The following SLC6A16 variants were observed in gnomAD, a reference collection of about 807,000 sequenced individuals.
The protein encoded by SLC6A16 is solute carrier family 6 member 16.
SLC6A16 carries 54 observed loss-of-function variants against 65.4 expected under a neutral mutation model. The observed-to-expected ratio is 0.83, with a 90% CI of 0.66 to 1.04. SLC6A16 has a LOEUF of 1.04. SLC6A16 is among the 50% of genes least tolerant of loss of function. The pLI, the probability that SLC6A16 is intolerant of heterozygous loss-of-function variation, is 0.00. For missense variants in SLC6A16, 816 were observed against 914.0 expected (o/e 0.89, Z 1.38); for synonymous variants, 330 against 346.5 (o/e 0.95, Z 0.53).
In SLC6A16 at chr19:49,311,038, G is replaced by GA. The variant is rs1970509891; in HGVS notation, c.309dup (p.Pro104SerfsTer8). The GA allele has an allele frequency of 6.2e-7, 1 of 1,614,074 alleles. No homozygotes were observed. Among genetic ancestry groups the GA allele is most frequent in the South Asian group, 1.1e-5 (1 of 91,086 alleles). ...TACTCAGTTTTGCTGGACCAGAACGGACGGGCAAGGAGGACCTCACTCTCT... is the reference window on the plus strand; with the variant it reads ...TACTCAGTTTTGCTGGACCAGAACGGAACGGGCAAGGAGGACCTCACTCTCT... On this transcript the variant is annotated frameshift_variant, in exon 2 of 12. Transcript: ENST00000335875. LOFTEE classifies it high-confidence loss of function.
chr19:49,306,359 C>A (rs531085385), intron 7 of SLC6A16, among the ~76,000 whole-genome samples: 1 of 151,120 alleles, frequency 6.6e-6, no homozygotes, highest in South Asian at 2.1e-4. Context: ...ATAAATATTG[C>A]AAACATGTTG....
chr19:49,302,853 T>C (rs1377231798), intron 7 of SLC6A16, among the ~76,000 whole-genome samples: 1 of 152,036 alleles, frequency 6.6e-6, no homozygotes, highest in African/African-American at 2.4e-5. Context: ...AAAAATACAA[T>C]AGATGGCTTC....
chr19:49,307,572 T>C (rs1228239856), intron 7 of SLC6A16, among the ~76,000 whole-genome samples: 1 of 151,750 alleles, frequency 6.6e-6, no homozygotes, highest in Non-Finnish European at 1.5e-5. Context: ...GGCTCACGCC[T>C]GTAATCCCAG....
At chr19:49,308,733 A>G in intron 7 of SLC6A16, 143 bp downstream of exon 7, 3 of 855,962 alleles carry the variant, frequency 3.5e-6, no homozygotes, top group Non-Finnish European at 5.5e-6. Context: ...CTCCATTTTT[A>G]GCTATGGGGA....
chr19:49,310,151 C>T lies in SLC6A16; in HGVS notation c.589G>A (p.Gly197Ser), dbSNP rs377673703. The part of the protein sequence containing the change: ...YSSFMVCFIL[G>S]LYFNVVNSWI... Reference sequence around the variant, plus strand: ...GAATTGACCACATTGAAGTACAGGCCGAGGATGAAGCACACCTGGGGGCCA... The same window carrying T: ...GAATTGACCACATTGAAGTACAGGCTGAGGATGAAGCACACCTGGGGGCCA... The change falls in exon 4 of 12, where the codon GGC (glycine) becomes AGC (serine). Residue 197 changes from glycine to serine, a missense_variant. Coordinates refer to ENST00000335875, the MANE Select transcript of SLC6A16 (RefSeq NM_014037.3). 4.6e-5 allele frequency: 75 copies of T among 1,613,908 alleles called. No individual in the cohort carries two copies. In the African/African-American group the frequency reaches 7.9e-4, roughly 17 times the overall value.
chr19:49,291,335 C>G (rs769970902), intron 10 of SLC6A16, among the ~76,000 whole-genome samples: 1 of 151,980 alleles, frequency 6.6e-6, no homozygotes, highest in Non-Finnish European at 1.5e-5. Flanking sequence ...CTTAACTAAC[C>G]ATCTATGCCC....
At chr19:49,336,981 C>T in the SLC6A16 span, 2 of 1,614,098 alleles carry the variant, frequency 1.2e-6, no homozygotes, top group Non-Finnish European at 1.7e-6. Context: ...ATGGGCATCG[C>T]CCTCCTGGGT....
intron 1 of SLC6A16, among the ~76,000 whole-genome samples, chr19:49,324,537 C>T (rs779450500): frequency 1.2e-4 from 19 of 152,250 alleles, no homozygotes; most frequent in Admixed American, 1.1e-3. Flanking sequence ...CACCGTCATC[C>T]CAAGCAACTC....
chr19:49,294,783 C>T (rs957174734), intron 7 of SLC6A16, among the ~76,000 whole-genome samples: 9 of 152,116 alleles, frequency 5.9e-5, no homozygotes, highest in Non-Finnish European at 1.2e-4. Context: ...GCATTTTCTA[C>T]AGTCTTCTTG....
the SLC6A16 span, chr19:49,337,104 G>C: frequency 1.9e-6 from 3 of 1,614,066 alleles, no homozygotes; most frequent in Non-Finnish European, 2.5e-6. Context: ...CTGGGCCGGG[G>C]TTGCAGGGGT....
intron 1 of SLC6A16, among the ~76,000 whole-genome samples, chr19:49,315,030 CT>C (rs1333551420): frequency 2.2e-5 from 3 of 139,430 alleles, no homozygotes; most frequent in East Asian, 4.3e-4. Context: ...CAATCTCCCC[CT>C]ACCCAACAAA....
chr19:49,339,269 G>T, the SLC6A16 span: 1 of 1,478,418 alleles, frequency 6.8e-7, no homozygotes, highest in Non-Finnish European at 9.4e-7. The surrounding 1 kb of genome is among the most constrained non-coding windows in gnomAD (Gnocchi z 4.5). Flanking sequence ...TGAAAAGAAC[G>T]CTGGGCCTGG....
chr19:49,317,562 T>C (rs936836009), intron 1 of SLC6A16, among the ~76,000 whole-genome samples: 2 of 151,928 alleles, frequency 1.3e-5, no homozygotes, highest in African/African-American at 4.8e-5. Context: ...ATCCTAGCAC[T>C]TTAGGAGGCC....
the SLC6A16 span, chr19:49,332,195 C>T: frequency 2.2e-6 from 1 of 456,702 alleles, no homozygotes; most frequent in Non-Finnish European, 4.4e-6. Context: ...TGTAGAACTC[C>T]AATTTCTGTG....
chr19:49,291,176 C>T (rs1217984997), intron 10 of SLC6A16, among the ~76,000 whole-genome samples: 1 of 152,046 alleles, frequency 6.6e-6, no homozygotes, highest in East Asian at 1.9e-4. Context: ...TATCCAGTCT[C>T]CTTTAGTACA....
rs556610822 is a variant in SLC6A16, at chr19:49,325,186, C to T, written c.-203G>A. 3 of 985,372 alleles carry T rather than the reference C, an allele frequency of 3.0e-6. No homozygotes were observed. The highest frequency in any genetic ancestry group is 3.5e-5 in the African/African-American group (2 of 57,232). 61.0% of individuals were successfully genotyped at this position (985,372 alleles called of 1,614,324 possible). ...ACAGATCGGTTTGGGCGACACCCCT[C>T]GATCTGCCTGGCGCGCGGCCTTTCC... On this transcript the variant is annotated 5_prime_UTR_variant, in exon 1 of 12. Coordinates refer to ENST00000335875, the MANE Select transcript of SLC6A16 (RefSeq NM_014037.3).
chr19:49,331,990 C>T, the SLC6A16 span: 1 of 447,560 alleles, frequency 2.2e-6, no homozygotes, highest in Admixed American at 2.4e-5. Context: ...GTATTAGTCT[C>T]CTATGGCTGA....
chr19:49,324,859 C>A (rs554990201), intron 1 of SLC6A16, among the ~76,000 whole-genome samples, 189 bp downstream of exon 1: 1 of 152,156 alleles, frequency 6.6e-6, no homozygotes, highest in South Asian at 2.1e-4. Flanking sequence ...CTCTGTCCTA[C>A]GTGGGGGGTA....
intron 10 of SLC6A16, among the ~76,000 whole-genome samples, chr19:49,291,988 T>A (rs1970087208): frequency 6.6e-6 from 1 of 152,230 alleles, no homozygotes. Context: ...CTTTCCCAGG[T>A]AGCTCTACCT....
Sources: gnomAD v4.1 joint callset for allele counts (sites outside exome capture counted in the v4.1 genomes callset) on GRCh38, gnomAD v4.1.1 for gene constraint, Gnocchi (gnomAD v3.1) non-coding constraint, MANE v1.5 for transcripts, NCBI Gene and HGNC (gene_info 2026-07-23, HGNC 2026-07-21) for gene names.